RRBP1: variants seen among roughly 807,000 people sequenced by gnomAD.
RRBP1 encodes ribosome-binding protein 1.
Under a neutral mutation model 165.2 loss-of-function variants are expected in RRBP1, and 94 were observed. That is an observed-to-expected ratio of 0.57 (90% CI 0.48 to 0.68). The LOEUF is 0.68. Ranked by LOEUF, RRBP1 falls within the 30% of genes least tolerant of loss-of-function variation. The pLI, the probability that RRBP1 is intolerant of heterozygous loss-of-function variation, is 0.00. For missense variants in RRBP1, 1,676 were observed against 1,763.0 expected, an observed-to-expected ratio of 0.95 and a Z score of 0.88; for synonymous variants, 680 against 714.5, an observed-to-expected ratio of 0.95 and a Z score of 0.77.
At chr20:17,679,600 A>G (rs2037142072) in intron 2 of RRBP1, among the ~76,000 whole-genome samples, 1 of 152,196 alleles carries the variant, frequency 6.6e-6, no homozygotes. Context: ...TAATAAATCA[A>G]TACTCCAATT....
At position 17,641,833 on chromosome 20, in the gene RRBP1, C is replaced by A. The variant is rs559501583; in HGVS notation, c.2148G>T (p.Ala716=). 9.3e-6 allele frequency: 15 copies of A among 1,613,702 alleles called. No individual in the cohort carries two copies. In the African/African-American group the frequency reaches 1.9e-4, roughly 20 times the overall value. The change falls in exon 5 of 25, where the codon GCG becomes GCT. Residue 716 remains alanine, a synonymous_variant. Transcript: ENST00000377813. ...EKLLATEQED[A]AVAKSKLREL... is the part of the protein sequence containing the mutation. ...CCCTCAGTTTGCTCTTGGCGACAGC[C>A]GCATCTTCCTGTTCTGTGGCCAGCA...
In RRBP1 at chr20:17,629,831, T is replaced by C; in HGVS notation, c.2741A>G (p.Gln914Arg). Residue 914 changes from glutamine to arginine, a missense_variant, in exon 9 of 25, where the codon CAG becomes CGG. Gln to Arg is a conservative substitution (Grantham distance 43). This residue lies in a region of RRBP1 where 1,184 missense variants were observed against 1,167.1 expected (regional missense o/e 1.01). Transcript: ENST00000377813. The stretch of plus-strand genomic sequence containing the variant: ...ACTGCCGCCGCCCTTACCGGCCATC[T>C]GCTGCTGTTGCTCCTGGGCCTTCTC... ...DAEKAQEQQQ[Q>R]MAELHSKLQS... 4 of 1,597,734 alleles carry C rather than the reference T, an allele frequency of 2.5e-6. No homozygotes were observed. The highest frequency in any genetic ancestry group is 3.4e-6 in the Non-Finnish European group (4 of 1,178,540).
chr20:17,658,615 TGAACCAG>T lies in RRBP1; in HGVS notation c.1886_1892del (p.Ser629Ter). The T allele has an allele frequency of 1.3e-6, 2 of 1,593,632 alleles. No homozygotes were observed. Among genetic ancestry groups the T allele is most frequent in the African/African-American group, 1.4e-5 (1 of 73,466 alleles). On this transcript the variant is annotated frameshift_variant, in exon 3 of 25. Coordinates refer to ENST00000377813, the MANE Select transcript of RRBP1 (RefSeq NM_001365613.2). LOFTEE classifies it high-confidence loss of function. ...ACTTACCAGGCTCACCTTTTTTCTT[TGAACCAG>T]ACTTCTTCTTGGCAGGAGCCTCTTG...
At position 17,635,621 on chromosome 20, in the gene RRBP1, T is replaced by C. The variant is rs768429082; in HGVS notation, c.2381A>G (p.Gln794Arg). 2.9e-5 allele frequency: 46 copies of C among 1,613,480 alleles called. No homozygotes were observed. The highest frequency in any genetic ancestry group is 3.7e-5 in the Non-Finnish European group (44 of 1,179,886). ...QEQLENGPNT[Q>R]LARLQQENSI... The stretch of plus-strand genomic sequence containing the variant: ...GTTCTCCTGCTGCAGGCGGGCCAGC[T>C]GCGTGTTGGGGCCATTCTCCAGCTG... Residue 794 changes from glutamine to arginine, a missense_variant, in exon 7 of 25, where the codon CAG becomes CGG. Physicochemically the swap from Gln to Arg is conservative, Grantham distance 43. Coordinates refer to ENST00000377813, the MANE Select transcript of RRBP1 (RefSeq NM_001365613.2).
intron 5 of RRBP1, among the ~76,000 whole-genome samples, chr20:17,640,614 A>C (rs908225386): frequency 1.3e-5 from 2 of 152,092 alleles, no homozygotes; most frequent in Non-Finnish European, 2.9e-5. Flanking sequence ...CCTTCTCCTC[A>C]CCTAAGAGGC....
rs1285432347 is a variant in RRBP1, at chr20:17,614,738, G to A, written c.4193C>T (p.Ala1398Val). 3.1e-6 allele frequency: 5 copies of A among 1,611,754 alleles called. No homozygotes were observed. In the Admixed American group the frequency reaches 5.0e-5, roughly 16 times the overall value. Residue 1398 changes from alanine (A) to valine (V), a missense_variant and splice_region_variant, in exon 24 of 25, where the codon GCA becomes GTA. By Grantham distance (64) the Ala-to-Val change is moderately conservative (BLOSUM62 0). Transcript: ENST00000377813. Reference sequence around the variant, plus strand: ...CCTGCTTTGGCGCCAGGCACGCACTGCCTTTTCCAGCTGTTCCTGCAGCTT... The same window carrying A: ...CCTGCTTTGGCGCCAGGCACGCACTACCTTTTCCAGCTGTTCCTGCAGCTT... ...VKKLQEQLEK[A>V]EDGSSSKEGT...
At position 17,619,733 on chromosome 20, in the gene RRBP1, AC is replaced by A; in HGVS notation, c.3580-6del. The A allele has an allele frequency of 6.2e-7, 1 of 1,602,242 alleles. No individual in the cohort carries two copies. The highest frequency in any genetic ancestry group is 8.5e-7 in the Non-Finnish European group (1 of 1,172,240). On this transcript the variant is annotated splice_polypyrimidine_tract_variant and splice_region_variant and intron_variant, in intron 18 of 24. Coordinates refer to ENST00000377813, the MANE Select transcript of RRBP1 (RefSeq NM_001365613.2). ...ATGCGACGTGTGCTCCCTCACCTGG[AC>A]AGATGCACAGACACGCACACGCATG...
chr20:17,631,558 G>T (rs530790845), intron 8 of RRBP1, among the ~76,000 whole-genome samples: 1 of 152,274 alleles, frequency 6.6e-6, no homozygotes, highest in South Asian at 2.1e-4. Flanking sequence ...CAATCACACT[G>T]AACAATTTCA....
intron 2 of RRBP1, among the ~76,000 whole-genome samples, 190 bp from the exon 3 acceptor site, chr20:17,660,718 C>T (rs913262005): frequency 2.6e-5 from 4 of 152,180 alleles, no homozygotes; most frequent in African/African-American, 9.7e-5. Context: ...GTGAGCGATT[C>T]GTACCCAAGG....
intron 2 of RRBP1, among the ~76,000 whole-genome samples, chr20:17,677,764 G>A (rs773222096): frequency 1.3e-5 from 2 of 152,080 alleles, no homozygotes; most frequent in Non-Finnish European, 2.9e-5. Flanking sequence ...ACTTGAACCC[G>A]GGAGGTAGAA....
chr20:17,675,116 G>A (rs1377557897), intron 2 of RRBP1, among the ~76,000 whole-genome samples: 3 of 152,232 alleles, frequency 2.0e-5, no homozygotes, highest in African/African-American at 7.2e-5. Context: ...CATCCACATC[G>A]TCTCCTAAGG....
intron 8 of RRBP1, 26 bp downstream of exon 8, chr20:17,633,434 C>A (rs2036190587): frequency 6.2e-7 from 1 of 1,605,434 alleles, no homozygotes; most frequent in East Asian, 2.2e-5. Flanking sequence ...GAACAGGGCA[C>A]TGAGGCGGCC....
chr20:17,648,202 A>G (rs886102793), intron 3 of RRBP1, among the ~76,000 whole-genome samples: 8 of 151,612 alleles, frequency 5.3e-5, no homozygotes, highest in Non-Finnish European at 1.0e-4. Context: ...GCTCCGGCCA[A>G]CATCACTGCT....
intron 2 of RRBP1, among the ~76,000 whole-genome samples, chr20:17,676,367 T>G (rs1249945615): frequency 6.6e-6 from 1 of 152,132 alleles, no homozygotes. Context: ...AACCGAGGTT[T>G]GTGGCCTGAA....
chr20:17,629,405 G>A (rs943784464), intron 9 of RRBP1, among the ~76,000 whole-genome samples: 2 of 152,230 alleles, frequency 1.3e-5, no homozygotes, highest in African/African-American at 2.4e-5. Context: ...AGCTGGGAGA[G>A]TAGAAAGGCC....
At chr20:17,616,867 A>C in intron 20 of RRBP1, 28 bp from the exon 21 acceptor site, 1 of 1,540,006 alleles carries the variant, frequency 6.5e-7, no homozygotes, top group Non-Finnish European at 9.0e-7. Flanking sequence ...GTGTTTGCAA[A>C]TGCACAGCCA....
intron 2 of RRBP1, among the ~76,000 whole-genome samples, chr20:17,674,957 G>A (rs1432660600): frequency 6.6e-6 from 1 of 152,210 alleles, no homozygotes; most frequent in East Asian, 1.9e-4. Context: ...GGAATTAAAG[G>A]ATGCTCACAG....
At chr20:17,662,291 T>C (rs1231959023) in intron 2 of RRBP1, among the ~76,000 whole-genome samples, 1 of 150,604 alleles carries the variant, frequency 6.6e-6, no homozygotes, top group East Asian at 1.9e-4. Flanking sequence ...AAAAAAAAAA[T>C]CACTCTCATC....
chr20:17,664,578 T>C (rs2036832745), intron 2 of RRBP1, among the ~76,000 whole-genome samples: 2 of 152,234 alleles, frequency 1.3e-5, no homozygotes, highest in Non-Finnish European at 1.5e-5. Flanking sequence ...ATGGCTCTTC[T>C]TCTGTTCTTA....
Sources: gnomAD v4.1 joint callset for allele counts (sites outside exome capture counted in the v4.1 genomes callset) on GRCh38, gnomAD v4.1.1 for gene constraint, gnomAD v4.1.1 regional missense constraint, MANE v1.5 for transcripts, NCBI Gene and HGNC (gene_info 2026-07-23, HGNC 2026-07-21) for gene names.